Variants in SCHIP1 observed in about 807,000 individuals in gnomAD.
SCHIP1 encodes schwannomin interacting protein 1, also known as schwannomin-interacting protein 1.
SCHIP1 carries 8 observed loss-of-function variants against 29.7 expected under a neutral mutation model. That is an observed-to-expected ratio of 0.27 (90% CI 0.16 to 0.49). The LOEUF is 0.49. Among genes scored for constraint, SCHIP1 ranks in the 20% least tolerant of loss-of-function variants. The pLI is 0.99. For synonymous variants in SCHIP1, 76 were observed against 94.9 expected, an observed-to-expected ratio of 0.80 and a Z score of 1.16; for missense variants, 193 against 294.6, an observed-to-expected ratio of 0.66 and a Z score of 2.52.
chr3:159,721,838 A>G, the SCHIP1 span: 386 of 390,682 alleles, frequency 9.9e-4, 7 homozygotes, highest in South Asian at 6.7e-3. Context: ...TTATTTTAGC[A>G]TTGATGCTGA....
chr3:159,503,640 T>C, the SCHIP1 span, among the ~76,000 whole-genome samples: 1 of 152,200 alleles, frequency 6.6e-6, no homozygotes. Context: ...TGAGTGGCTG[T>C]TAATGACATG....
At chr3:159,791,135 G>A in the SCHIP1 span, among the ~76,000 whole-genome samples, 1 of 152,110 alleles carries the variant, frequency 6.6e-6, no homozygotes, top group Non-Finnish European at 1.5e-5. Context: ...AAAGGAATAG[G>A]GACCTCAGCG....
chr3:159,722,201 A>G, the SCHIP1 span: 1 of 198,598 alleles, frequency 5.0e-6, no homozygotes, highest in South Asian at 9.2e-5. Flanking sequence ...TATGAAAAGG[A>G]TCATCCACTA....
chr3:159,514,409 T>A, the SCHIP1 span, among the ~76,000 whole-genome samples: 1 of 152,238 alleles, frequency 6.6e-6, no homozygotes, highest in Non-Finnish European at 1.5e-5. Context: ...TTATAATGAA[T>A]TACTAACAAG....
chr3:159,711,885 C>T, the SCHIP1 span, among the ~76,000 whole-genome samples: 2 of 152,176 alleles, frequency 1.3e-5, no homozygotes, highest in Admixed American at 6.5e-5. Flanking sequence ...GACCGGAAAT[C>T]AGTAAGCTTC....
At chr3:159,601,317 C>G in the SCHIP1 span, among the ~76,000 whole-genome samples, 4 of 152,120 alleles carry the variant, frequency 2.6e-5, no homozygotes, top group Admixed American at 2.6e-4. Context: ...CCCCAACAAC[C>G]CCCCCATACA....
At chr3:159,397,113 T>C in the SCHIP1 span, among the ~76,000 whole-genome samples, 389 of 151,772 alleles carry the variant, frequency 2.6e-3, no homozygotes, top group African/African-American at 8.0e-3. Flanking sequence ...TTGATCGCAT[T>C]GGCTCCTGAG....
the SCHIP1 span, among the ~76,000 whole-genome samples, chr3:159,768,781 A>G: frequency 5.6e-4 from 86 of 152,302 alleles, 2 homozygotes; most frequent in African/African-American, 1.7e-3. Flanking sequence ...CCAGCCCTCC[A>G]CTGTGATGTC....
At chr3:159,717,495 A>G in the SCHIP1 span, among the ~76,000 whole-genome samples, 1 of 152,202 alleles carries the variant, frequency 6.6e-6, no homozygotes. Flanking sequence ...GGACTAATAA[A>G]GAAGAAAAGA....
At chr3:159,684,928 G>A in the SCHIP1 span, among the ~76,000 whole-genome samples, 1,043 of 151,656 alleles carry the variant, frequency 6.9e-3, 7 homozygotes, top group African/African-American at 0.024. Flanking sequence ...AAATGCAGCT[G>A]GATCCTGCTT....
the SCHIP1 span, chr3:159,398,951 A>T: frequency 6.0e-5 from 59 of 984,094 alleles, no homozygotes; most frequent in Non-Finnish European, 6.8e-5. Flanking sequence ...TTATTCAAAC[A>T]AGTGTGGGCA....
At chr3:159,297,721 A>G in the SCHIP1 span, among the ~76,000 whole-genome samples, 1 of 152,220 alleles carries the variant, frequency 6.6e-6, no homozygotes, top group South Asian at 2.1e-4. Context: ...AAAGGGCAGG[A>G]TTTGTAAGTT....
the SCHIP1 span, among the ~76,000 whole-genome samples, chr3:159,466,928 T>C: frequency 6.6e-6 from 1 of 152,178 alleles, no homozygotes; most frequent in Non-Finnish European, 1.5e-5. Flanking sequence ...TTTCTTCCTG[T>C]TTTGTTTTAG....
the SCHIP1 span, among the ~76,000 whole-genome samples, chr3:159,461,929 G>C: frequency 1.3e-5 from 2 of 152,108 alleles, no homozygotes; most frequent in African/African-American, 2.4e-5. Context: ...CCATCTGAAG[G>C]CTGGGCATGA....
At chr3:159,385,590 C>A in the SCHIP1 span, among the ~76,000 whole-genome samples, 3,179 of 130,128 alleles carry the variant, frequency 0.024, 67 homozygotes, top group African/African-American at 0.068. Context: ...AAAAAAAAAC[C>A]AAAAAAAAAA....
chr3:159,382,406 T>A, the SCHIP1 span, among the ~76,000 whole-genome samples: 1 of 151,284 alleles, frequency 6.6e-6, no homozygotes, highest in South Asian at 2.1e-4. Context: ...TGATTTCCAA[T>A]TTCATCCATG....
chr3:159,568,321 C>G, the SCHIP1 span, among the ~76,000 whole-genome samples: 1 of 152,040 alleles, frequency 6.6e-6, no homozygotes, highest in African/African-American at 2.4e-5. Context: ...CTAGGCCCCT[C>G]CATACAATCT....
the SCHIP1 span, among the ~76,000 whole-genome samples, chr3:159,632,933 T>C: frequency 1.3e-5 from 2 of 152,170 alleles, no homozygotes; most frequent in Non-Finnish European, 2.9e-5. Context: ...AAGATGAAAG[T>C]TGCCTTTTCT....
the SCHIP1 span, among the ~76,000 whole-genome samples, chr3:159,766,981 T>C: frequency 6.6e-6 from 1 of 152,206 alleles, no homozygotes; most frequent in African/African-American, 2.4e-5. Context: ...ATTTGCATAT[T>C]TGGGTTTCTT....
Sources: gnomAD v4.1 joint callset for allele counts (sites outside exome capture counted in the v4.1 genomes callset) on GRCh38, gnomAD v4.1.1 for gene constraint, MANE v1.5 for transcripts, NCBI Gene and HGNC (gene_info 2026-07-23, HGNC 2026-07-21) for gene names.